Variants in NAV2 observed in about 807,000 individuals in gnomAD.
NAV2 encodes neuron navigator 2.
A neutral mutation model predicts 223.2 loss-of-function variants in NAV2; 54 were observed. The observed-to-expected ratio is 0.24, with a 90% CI of 0.19 to 0.30. The LOEUF (loss-of-function observed/expected upper bound fraction) is 0.30. Ranked by LOEUF, NAV2 falls within the 10% of genes least tolerant of loss-of-function variation. The probability of loss-of-function intolerance (pLI) is 1.00; values close to 1 mark genes in which losing one functional copy is unlikely to be tolerated. For missense variants in NAV2, 2,806 were observed against 3,147.5 expected (o/e 0.89, Z 2.60); for synonymous variants, 1,279 against 1,239.3 (o/e 1.03, Z -0.67).
At chr11:19,820,998 C>G (rs529728672) in intron 1 of NAV2, among the ~76,000 whole-genome samples, 1 of 152,218 alleles carries the variant, frequency 6.6e-6, no homozygotes, top group East Asian at 1.9e-4. Flanking sequence ...CGCAGTGGCT[C>G]ACGCCTGTAA....
At chr11:20,080,925 T>A (rs1454256723) in intron 25 of NAV2, among the ~76,000 whole-genome samples, 1 of 152,208 alleles carries the variant, frequency 6.6e-6, no homozygotes, top group Non-Finnish European at 1.5e-5. Flanking sequence ...AATTCTTCTT[T>A]AAAGGCTACA....
chr11:19,399,334 C>T (rs1849589927), intron 1 of NAV2, among the ~76,000 whole-genome samples: 1 of 152,244 alleles, frequency 6.6e-6, no homozygotes, highest in South Asian at 2.1e-4. Context: ...TCAGCTCTGA[C>T]ACTACCAGTA....
chr11:19,975,459 T>C (rs1241342819), intron 10 of NAV2, among the ~76,000 whole-genome samples: 2 of 152,208 alleles, frequency 1.3e-5, no homozygotes, highest in Non-Finnish European at 2.9e-5. Flanking sequence ...TATATACGTA[T>C]AGATCTTTTT....
At chr11:19,883,019 G>A (rs79723030) in intron 5 of NAV2, among the ~76,000 whole-genome samples, 69 of 152,222 alleles carry the variant, frequency 4.5e-4, no homozygotes, top group Non-Finnish European at 8.7e-4. Context: ...TCAGTGGCTC[G>A]GTCTCCAAAT....
At chr11:19,685,734 G>A (rs2049004527) in intron 1 of NAV2, among the ~76,000 whole-genome samples, 1 of 152,086 alleles carries the variant, frequency 6.6e-6, no homozygotes, top group African/African-American at 2.4e-5. Context: ...GTGATATTGG[G>A]TAAACCTCCC....
chr11:19,888,449 C>A (rs1275017047), intron 5 of NAV2, among the ~76,000 whole-genome samples: 3 of 152,214 alleles, frequency 2.0e-5, no homozygotes, highest in African/African-American at 7.2e-5. Flanking sequence ...TGCTTCCAGA[C>A]TGGAGGTTGA....
chr11:19,424,938 C>T (rs936464650), intron 1 of NAV2, among the ~76,000 whole-genome samples: 12 of 152,208 alleles, frequency 7.9e-5, no homozygotes, highest in African/African-American at 2.9e-4. Flanking sequence ...AGTAATTTTG[C>T]TATGTCCCCA....
Position 19,769,806 on chromosome 11 carries a change from G to T in NAV2, c.267+55844G>T, listed in dbSNP as rs565091717. Among the ~76,000 whole-genome samples, 6 of 152,160 alleles carry T rather than the reference G, an allele frequency of 3.9e-5. No individual in the cohort carries two copies. The East Asian group carries it at 9.7e-4, about 25-fold the overall frequency. On this transcript the variant is annotated intron_variant, in intron 1 of 37. Transcript: ENST00000349880. ...TGTTTTCCTTTAATTGTTCAATCGG[G>T]TAACTTTTAGCAACCACATTCCCTA... is the stretch of plus-strand genomic sequence containing the variant.
rs1349584381 is a variant in NAV2 at position 20,048,973 on chromosome 11, C to T, written c.4148C>T (p.Thr1383Ile). Residue 1383 changes from threonine (T) to isoleucine (I), a missense_variant, in exon 15 of 38, where the codon ACC becomes ATC. Coordinates refer to ENST00000349880, the MANE Select transcript of NAV2 (RefSeq NM_145117.5). Reference sequence around the variant, plus strand: ...CACTCGGCCCCTTCCAACAGCCTCACCTGGGGCACCAACGCCAGCAGCTCC... The same window carrying T: ...CACTCGGCCCCTTCCAACAGCCTCATCTGGGGCACCAACGCCAGCAGCTCC... ...SAHSAPSNSL[T>I]WGTNASSSSA... The T allele has an allele frequency of 1.2e-6, 2 of 1,614,170 alleles. No individual in the cohort carries two copies. The highest frequency in any genetic ancestry group is 1.1e-5 in the South Asian group (1 of 91,082).
chr11:19,547,327 C>T (rs2044532797), intron 1 of NAV2, among the ~76,000 whole-genome samples: 1 of 152,222 alleles, frequency 6.6e-6, no homozygotes. Flanking sequence ...CTCTTACCCA[C>T]CCCCAAATGT....
intron 1 of NAV2, among the ~76,000 whole-genome samples, chr11:19,443,604 G>A (rs1378182098): frequency 1.3e-5 from 2 of 152,152 alleles, no homozygotes; most frequent in South Asian, 4.1e-4. Flanking sequence ...TTCTTCACAT[G>A]GGTTTTCTTC....
intron 1 of NAV2, among the ~76,000 whole-genome samples, chr11:19,515,825 A>G (rs1483176646): frequency 6.6e-6 from 1 of 152,198 alleles, no homozygotes; most frequent in Non-Finnish European, 1.5e-5. Context: ...GGTTGCTTTG[A>G]AGGTAGAGCT....
chr11:19,636,784 T>G (rs1245364217), intron 1 of NAV2, among the ~76,000 whole-genome samples: 2 of 152,172 alleles, frequency 1.3e-5, no homozygotes, highest in African/African-American at 4.8e-5. Context: ...TCTGCAGTCT[T>G]TAAGTCTTCC....
chr11:19,453,743 A>G lies in NAV2; in HGVS notation c.75+102716A>G, dbSNP rs1170485334. ...TCCTCCTCCTGAAATCCTTCCAGCC[A>G]TGAATCTAAACCCTTCGCTGATAAA... On this transcript the variant is annotated intron_variant, in intron 1 of 37. Coordinates refer to the NAV2 transcript ENST00000360655. Among the ~76,000 whole-genome samples, 6 of 152,176 alleles carry G rather than the reference A, an allele frequency of 3.9e-5. No individual in the cohort carries two copies. In the East Asian group the frequency reaches 7.7e-4, roughly 20 times the overall value.
intron 1 of NAV2, among the ~76,000 whole-genome samples, chr11:19,473,920 T>A (rs552997984): frequency 6.6e-6 from 1 of 152,230 alleles, no homozygotes; most frequent in East Asian, 1.9e-4. Context: ...GGTTATGACC[T>A]CCTTGGCTGA....
At chr11:19,824,336 GT>G (rs1424116857) in intron 1 of NAV2, among the ~76,000 whole-genome samples, 1 of 152,204 alleles carries the variant, frequency 6.6e-6, no homozygotes, top group Non-Finnish European at 1.5e-5. Flanking sequence ...TGATTTTGTG[GT>G]TGCAGAAAGC....
chr11:19,373,800 C>T (rs541430184), intron 1 of NAV2, among the ~76,000 whole-genome samples: 1 of 152,304 alleles, frequency 6.6e-6, no homozygotes, highest in South Asian at 2.1e-4. Flanking sequence ...CTGCATGTGG[C>T]CTGGGGCCAG....
chr11:20,054,136 C>T lies in NAV2; in HGVS notation c.4538C>T (p.Ser1513Phe). ...GAAGATGCAAAAGAATGGTTACGGTCCCATTCTGCAGGAGGCCTTCAGGAC... is the reference window on the plus strand; with the variant it reads ...GAAGATGCAAAAGAATGGTTACGGTTCCATTCTGCAGGAGGCCTTCAGGAC... ...TQEDAKEWLR[S>F]HSAGGLQDTA... The change falls in exon 18 of 38, where the codon TCC becomes TTC. Residue 1513 changes from serine (S) to phenylalanine (F), a missense_variant. Transcript: ENST00000349880. 6.2e-7 allele frequency: 1 copy of T among 1,613,690 alleles called. No homozygotes were observed. Among genetic ancestry groups the T allele is most frequent in the Non-Finnish European group, 8.5e-7 (1 of 1,179,918 alleles).
Position 20,119,025 on chromosome 11 carries a change from A to G in NAV2, c.*767A>G, listed in dbSNP as rs1285817499. On this transcript the variant is annotated 3_prime_UTR_variant, in exon 38 of 38. Coordinates refer to ENST00000349880, the MANE Select transcript of NAV2 (RefSeq NM_145117.5). ...GTGGATGTGGCTGTCAGTGCAGAAC[A>G]GCATGTGTCTCTTTCCTTCTGATAT... 6.6e-6 allele frequency: 1 copy of G among 151,468 alleles called. No individual in the cohort carries two copies. Among genetic ancestry groups the G allele is most frequent in the African/African-American group, 2.4e-5 (1 of 41,002 alleles). 9.4% of individuals were successfully genotyped at this position (151,468 alleles called of 1,614,324 possible). A position where few individuals can be genotyped will look rare whatever the true frequency, so the allele number is the denominator to read the frequency against.
Sources: gnomAD v4.1 joint callset for allele counts (sites outside exome capture counted in the v4.1 genomes callset) on GRCh38, gnomAD v4.1.1 for gene constraint, MANE v1.5 for transcripts, NCBI Gene and HGNC (gene_info 2026-07-23, HGNC 2026-07-21) for gene names.